The following TBCD variants were observed in gnomAD, a reference collection of about 807,000 sequenced individuals.
TBCD encodes tubulin folding cofactor D, also known as tubulin-specific chaperone D.
In TBCD, 105 loss-of-function variants were observed where a neutral mutation model predicts 169.3. That is an observed-to-expected ratio of 0.62 (90% CI 0.53 to 0.73). The LOEUF (loss-of-function observed/expected upper bound fraction) is 0.73, where lower values mean the gene tolerates loss of function less well. Ranked by LOEUF, TBCD falls within the 30% of genes least tolerant of loss-of-function variation. The pLI is 0.00. For missense variants in TBCD, 1,444 were observed against 1,600.1 expected (o/e 0.90, Z 1.66); for synonymous variants, 700 against 643.9 (o/e 1.09, Z -1.32).
At chr17:82,776,119 T>C (rs2048580200) in intron 6 of TBCD, among the ~76,000 whole-genome samples, 2 of 152,018 alleles carry the variant, frequency 1.3e-5, no homozygotes, top group Non-Finnish European at 2.9e-5. Context: ...CTTGGGAAGC[T>C]GAGGCAGGAC....
intron 18 of TBCD, among the ~76,000 whole-genome samples, chr17:82,902,500 C>T (rs941374672): frequency 4.7e-4 from 72 of 152,174 alleles, no homozygotes; most frequent in Non-Finnish European, 1.2e-4. Flanking sequence ...AGTTGGGTGT[C>T]GCTCAGGGTG....
At chr17:82,752,596 TGGG>T (rs942215902) in intron 1 of TBCD, among the ~76,000 whole-genome samples, 1 of 151,922 alleles carries the variant, frequency 6.6e-6, no homozygotes, top group African/African-American at 2.4e-5. Flanking sequence ...GCGCCTCCCT[TGGG>T]GGGACCGTGG....
At chr17:82,941,576 A>G in intron 38 of TBCD, 93 bp downstream of exon 38, 1 of 1,127,476 alleles carries the variant, frequency 8.9e-7, no homozygotes, top group Non-Finnish European at 1.3e-6. Flanking sequence ...TTCTGCCAGC[A>G]CGTCCACACG....
intron 37 of TBCD, among the ~76,000 whole-genome samples, chr17:82,940,394 G>T (rs1329956340): frequency 1.3e-5 from 2 of 152,206 alleles, no homozygotes; most frequent in Admixed American, 1.3e-4. Flanking sequence ...AGTGCCGACT[G>T]TGAGGGCCTC....
rs1052189482 is a variant in TBCD, at chr17:82,906,111, T to C, written c.1922+58T>C. ...CTCTGTCCCTGATCCCCTCACCATG[T>C]AATCACAGTGCTCTCCAGTTCGAGA... On this transcript the variant is annotated intron_variant, in intron 20 of 38. Transcript: ENST00000355528. The C allele has an allele frequency of 2.3e-5, 30 of 1,315,688 alleles. No individual in the cohort carries two copies. In the African/African-American group the frequency reaches 3.4e-4, roughly 15 times the overall value. The allele number at this position is 1,315,688 out of a possible 1,614,324, so 81.5% of individuals were successfully genotyped here.
chr17:82,832,096 C>T lies in TBCD; in HGVS notation c.1318+17162C>T, dbSNP rs371042619. On this transcript the variant is annotated intron_variant, in intron 13 of 38. Coordinates refer to ENST00000355528, the MANE Select transcript of TBCD (RefSeq NM_005993.5). The surrounding 1 kb of genome is among the most constrained non-coding windows in gnomAD (Gnocchi z 4.9). The stretch of plus-strand genomic sequence containing the variant: ...CTGTCCCAGGCACCTGTGGGTTCCC[C>T]GGGCTTGCAGCTCCAGGTTTTCCTT... The T allele has an allele frequency of 7.8e-5, 126 of 1,614,086 alleles. No homozygotes were observed. The highest frequency in any genetic ancestry group is 1.6e-4 in the Middle Eastern group (1 of 6,084).
chr17:82,865,575 C>G (rs2145879390), intron 13 of TBCD: 1 of 984,042 alleles, frequency 1.0e-6, no homozygotes, highest in East Asian at 1.1e-4. Flanking sequence ...CCCTCACCGC[C>G]CAGTGCCGAA....
At chr17:82,894,219 A>T (rs2059335341) in intron 17 of TBCD, among the ~76,000 whole-genome samples, 1 of 111,910 alleles carries the variant, frequency 8.9e-6, no homozygotes. Context: ...TTACAGAATT[A>T]TATCAAACTG....
At chr17:82,894,720 T>C (rs1445151810) in intron 17 of TBCD, among the ~76,000 whole-genome samples, 1 of 152,250 alleles carries the variant, frequency 6.6e-6, no homozygotes, top group African/African-American at 2.4e-5. Flanking sequence ...ATGCAGTGGC[T>C]CATGCCTGTA....
chr17:82,816,211 G>A (rs900705720), intron 13 of TBCD, among the ~76,000 whole-genome samples: 4 of 152,146 alleles, frequency 2.6e-5, no homozygotes, highest in African/African-American at 9.7e-5. Flanking sequence ...GTAGCCTGTG[G>A]AGTGCCTCCT....
Position 82,942,473 on chromosome 17 carries a change from T to C in TBCD, c.*10T>C, listed in dbSNP as rs772295457. 6.2e-7 allele frequency: 1 copy of C among 1,613,860 alleles called. No homozygotes were observed. The highest frequency in any genetic ancestry group is 2.2e-5 in the East Asian group (1 of 44,890). ...GCCTGGTGCCTGCTGAAGCCAGTCC[T>C]GGAGCCCATACCTCACCCCTGCCTG... On this transcript the variant is annotated 3_prime_UTR_variant, in exon 39 of 39. Transcript: ENST00000355528.
chr17:82,903,269 G>T lies in TBCD; in HGVS notation c.1731-136G>T, dbSNP rs968861896. 3 of 725,328 alleles carry T rather than the reference G, an allele frequency of 4.1e-6. No homozygotes were observed. In the South Asian group the frequency reaches 5.3e-5, roughly 13 times the overall value. 44.9% of individuals were successfully genotyped at this position (725,328 alleles called of 1,614,324 possible). On this transcript the variant is annotated intron_variant, in intron 18 of 38. Transcript: ENST00000355528. The surrounding 1 kb of genome is among the most constrained non-coding windows in gnomAD (Gnocchi z 4.8). The stretch of plus-strand genomic sequence containing the variant: ...GTCGGAGGTTCTTGTACTGGTTCGT[G>T]TGAGTGAGTGAGTGAGCCTCTGCTA...
intron 13 of TBCD, among the ~76,000 whole-genome samples, chr17:82,854,601 T>C (rs1243105839): frequency 6.6e-6 from 1 of 152,170 alleles, no homozygotes; most frequent in East Asian, 1.9e-4. Flanking sequence ...AGGTTACTTG[T>C]ATGGGTAACA....
intron 13 of TBCD, chr17:82,840,484 T>C (rs2054377128): frequency 1.3e-5 from 2 of 152,378 alleles, no homozygotes; most frequent in African/African-American, 2.4e-5. Context: ...AGTGAGGCCT[T>C]TGAGGATCTG....
intron 13 of TBCD, chr17:82,865,522 G>A (rs1452525286): frequency 1.3e-5 from 13 of 985,362 alleles, no homozygotes; most frequent in East Asian, 1.1e-4. Context: ...AGGGTGTGGC[G>A]GGCTGTCTGT....
chr17:82,833,016 G>A lies in TBCD; in HGVS notation c.1318+18082G>A, dbSNP rs140597232. 9.3e-4 allele frequency among the ~76,000 whole-genome samples: 142 copies of A among 152,192 alleles called. 2 individuals carry two copies. In the East Asian group the frequency reaches 0.025, roughly 26 times the overall value. On this transcript the variant is annotated intron_variant, in intron 13 of 38. Transcript: ENST00000355528. This position sits in a 1 kb window ranked among gnomAD's most constrained non-coding sequence, Gnocchi z 4.7. ...CGCCCTGCCGGGGGCTGAGGACACC[G>A]AGCCCCCTCCCAGGGTCTGGACAGA...
intron 13 of TBCD, among the ~76,000 whole-genome samples, chr17:82,861,737 C>T (rs993464485): frequency 6.6e-6 from 1 of 152,150 alleles, no homozygotes; most frequent in African/African-American, 2.4e-5. Context: ...CTTTTTACGT[C>T]TCTTCTAGGG....
chr17:82,881,419 C>T (rs72859944), intron 14 of TBCD, among the ~76,000 whole-genome samples: 2 of 152,238 alleles, frequency 1.3e-5, no homozygotes, highest in East Asian at 1.9e-4. Context: ...GGGGAGGTCC[C>T]GGAACGTGGG....
intron 18 of TBCD, among the ~76,000 whole-genome samples, chr17:82,902,868 G>A (rs2059983415): frequency 6.6e-6 from 1 of 152,186 alleles, no homozygotes; most frequent in Admixed American, 6.5e-5. Flanking sequence ...ATCTGCCTCT[G>A]CATGGAGCTC....
Sources: allele counts gnomAD v4.1 joint callset (sites outside exome capture counted in the v4.1 genomes callset), GRCh38; gene constraint gnomAD v4.1.1; non-coding constraint Gnocchi (gnomAD v3.1); transcripts MANE v1.5; gene names NCBI Gene and HGNC (gene_info 2026-07-23, HGNC 2026-07-21).